Variants in DYRK1B observed in about 807,000 individuals in gnomAD.
The protein encoded by DYRK1B is dual specificity tyrosine-phosphorylation-regulated kinase 1B.
DYRK1B carries 20 observed loss-of-function variants against 57.1 expected under a neutral mutation model. That is an observed-to-expected ratio of 0.35 (90% CI 0.25 to 0.51). The LOEUF (loss-of-function observed/expected upper bound fraction) is 0.51. DYRK1B is among the 20% of genes least tolerant of loss of function. The probability of loss-of-function intolerance (pLI) is 0.96; values close to 1 mark genes in which losing one functional copy is unlikely to be tolerated. For synonymous variants in DYRK1B, 409 were observed against 384.7 expected (o/e 1.06, Z -0.74); for missense variants, 732 against 886.3 (o/e 0.83, Z 2.21).
rs1243011421 is a variant in DYRK1B, at chr19:39,825,365, T to C, written c.*350A>G. The C allele has an allele frequency of 8.4e-6, 2 of 239,164 alleles. No individual in the cohort carries two copies. The highest frequency in any genetic ancestry group is 1.6e-5 in the Non-Finnish European group (2 of 121,458). 14.8% of individuals were successfully genotyped at this position (239,164 alleles called of 1,614,324 possible). On this transcript the variant is annotated 3_prime_UTR_variant, in exon 11 of 11. Transcript: ENST00000323039. The stretch of plus-strand genomic sequence containing the variant: ...CAGGCAGGCATGTGAGAAAGCTCTT[T>C]ACTGGGGGTACAGCGAGGAGGAGCA...
Position 39,826,623 on chromosome 19 carries a change from C to G in DYRK1B, c.1411+49G>C. 6.6e-7 allele frequency: 1 copy of G among 1,511,636 alleles called. No individual in the cohort carries two copies. The highest frequency in any genetic ancestry group is 1.3e-5 in the South Asian group (1 of 77,696). The allele number at this position is 1,511,636 out of a possible 1,614,324, so 93.6% of individuals were successfully genotyped here. Reference sequence around the variant, plus strand: ...CCAGGTCCCCCAGGACAGGCCAAACCTGAGCAGCCCCCACCCGTTGTACCC... The same window carrying G: ...CCAGGTCCCCCAGGACAGGCCAAACGTGAGCAGCCCCCACCCGTTGTACCC... On this transcript the variant is annotated intron_variant, in intron 9 of 10. Coordinates refer to ENST00000323039, the MANE Select transcript of DYRK1B (RefSeq NM_004714.3). This position sits in a 1 kb window ranked among gnomAD's most constrained non-coding sequence, Gnocchi z 6.3.
At chr19:39,831,014 G>A (rs1328920084) in intron 2 of DYRK1B, among the ~76,000 whole-genome samples, 3 of 152,216 alleles carry the variant, frequency 2.0e-5, no homozygotes, top group East Asian at 3.8e-4. Context: ...GATCTGTGGT[G>A]TGAATGAGTG....
At chr19:39,827,776 C>G (rs1414821904) in intron 6 of DYRK1B, 120 bp from the exon 7 acceptor site, 9 of 1,231,308 alleles carry the variant, frequency 7.3e-6, no homozygotes, top group Middle Eastern at 2.2e-4. Flanking sequence ...GACTGAGGCT[C>G]CAAATCCTGC....
chr19:39,829,315 C>T (rs1568532373), intron 5 of DYRK1B, among the ~76,000 whole-genome samples: 1 of 151,930 alleles, frequency 6.6e-6, no homozygotes, highest in African/African-American at 2.4e-5. Flanking sequence ...TAACCTCCGC[C>T]TCCCAGGTTC....
intron 1 of DYRK1B, chr19:39,833,347 G>A (rs934435405): frequency 1.6e-4 from 156 of 985,418 alleles, no homozygotes; most frequent in Non-Finnish European, 1.8e-4. Flanking sequence ...GGCCAGCATG[G>A]CGGCGGTGGC....
At chr19:39,827,212 G>C (rs557500900) in intron 8 of DYRK1B, 73 bp downstream of exon 8, 10 of 1,513,524 alleles carry the variant, frequency 6.6e-6, no homozygotes, top group Non-Finnish European at 8.9e-6. Context: ...GGGAGAGGGA[G>C]CAGGGGGAGA....
chr19:39,826,183 G>A lies in DYRK1B; in HGVS notation c.1515C>T (p.Pro505=). Residue 505 remains proline, a synonymous_variant, in exon 10 of 11, where the codon CCC becomes CCT. Coordinates refer to ENST00000323039, the MANE Select transcript of DYRK1B (RefSeq NM_004714.3). The surrounding 1 kb of genome is among the most constrained non-coding windows in gnomAD (Gnocchi z 6.3). Reference sequence around the variant, plus strand: ...AAAGCCCCCAAAGCCCCATTACCTGGGGGCTGTTCATCTCACAGTCTGTGA... The same window carrying A: ...AAAGCCCCCAAAGCCCCATTACCTGAGGGCTGTTCATCTCACAGTCTGTGA... The part of the protein sequence containing the change: ...PPITDCEMNS[P]QVPPSQPLRP... 3 of 1,590,336 alleles carry A rather than the reference G, an allele frequency of 1.9e-6. No homozygotes were observed. Among genetic ancestry groups the A allele is most frequent in the Non-Finnish European group, 1.7e-6 (2 of 1,170,842 alleles).
chr19:39,826,900 C>G lies in DYRK1B; in HGVS notation c.1183G>C (p.Gly395Arg). Residue 395 changes from glycine to arginine, a missense_variant, in exon 9 of 11, where the codon GGC becomes CGC. By Grantham distance (125) the Gly-to-Arg change is moderately radical (BLOSUM62 -2). Coordinates refer to ENST00000323039, the MANE Select transcript of DYRK1B (RefSeq NM_004714.3). The surrounding 1 kb of genome is among the most constrained non-coding windows in gnomAD (Gnocchi z 6.3). The stretch of plus-strand genomic sequence containing the variant: ...CGGAGGTAGTCGGCGGGGCTGTGGC[C>G]CGGCTCCCCCGCCCGCCGGCCCCCG... ...GPGGRRAGEP[G>R]HSPADYLRFQ... 7.0e-7 allele frequency: 1 copy of G among 1,418,830 alleles called. No homozygotes were observed. Among genetic ancestry groups the G allele is most frequent in the Non-Finnish European group, 9.1e-7 (1 of 1,096,318 alleles). 87.9% of individuals were successfully genotyped at this position (1,418,830 alleles called of 1,614,324 possible).
rs576705312 is a variant in DYRK1B at position 39,830,053 on chromosome 19, G to A, written c.373-26C>T. 5.0e-6 allele frequency: 8 copies of A among 1,612,572 alleles called. No individual in the cohort carries two copies. The African/African-American group carries it at 8.0e-5, about 16-fold the overall frequency. The stretch of plus-strand genomic sequence containing the variant: ...CTGTTGGGGCAGGGCATGTCACGAA[G>A]AAAGGGGTGGGAGCAGGGCAGAGCC... On this transcript the variant is annotated intron_variant, in intron 4 of 10. Transcript: ENST00000323039.
intron 1 of DYRK1B, among the ~76,000 whole-genome samples, chr19:39,833,800 C>G (rs1280883892): frequency 2.0e-5 from 3 of 152,164 alleles, no homozygotes; most frequent in Non-Finnish European, 1.5e-5. Context: ...GAGTGGGGCC[C>G]GGCTACCCCC....
In DYRK1B at chr19:39,830,384, G is replaced by T; in HGVS notation, c.363C>A (p.Ser121=). ...YEIDSLIGKG[S]FGQVVKAYDH... ...GGGGGGTGTCCCACACCTGGCCAAAGGAGCCTTTGCCAATGAGCGAGTCAA... is the reference window on the plus strand; with the variant it reads ...GGGGGGTGTCCCACACCTGGCCAAATGAGCCTTTGCCAATGAGCGAGTCAA... Residue 121 remains serine, a synonymous_variant, in exon 4 of 11, where the codon TCC becomes TCA. Transcript: ENST00000323039. The T allele has an allele frequency of 6.2e-7, 1 of 1,614,108 alleles. No homozygotes were observed. Among genetic ancestry groups the T allele is most frequent in the Non-Finnish European group, 8.5e-7 (1 of 1,180,040 alleles).
In DYRK1B at chr19:39,826,731, G is replaced by A. The variant is rs1401211529; in HGVS notation, c.1352C>T (p.Ser451Leu). The A allele has an allele frequency of 1.9e-6, 3 of 1,600,964 alleles. No homozygotes were observed. The highest frequency in any genetic ancestry group is 2.6e-6 in the Non-Finnish European group (3 of 1,175,234). ...GGGGCAGGTGTCGAGGGGCGCGGGCGAGGTGGAGGCACTGCTGCCTGCCGG... is the reference window on the plus strand; with the variant it reads ...GGGGCAGGTGTCGAGGGGCGCGGGCAAGGTGGAGGCACTGCTGCCTGCCGG... ...TGPAGSSASTSPAPLDTCPSS... is the reference protein window; with the variant it reads ...TGPAGSSASTLPAPLDTCPSS... The change falls in exon 9 of 11, where the codon TCG becomes TTG. Residue 451 changes from serine to leucine, a missense_variant. Ser to Leu is a moderately radical substitution (Grantham distance 145, BLOSUM62 -2). Coordinates refer to ENST00000323039, the MANE Select transcript of DYRK1B (RefSeq NM_004714.3). The surrounding 1 kb of genome is among the most constrained non-coding windows in gnomAD (Gnocchi z 6.3).
Position 39,826,895 on chromosome 19 carries a change from G to A in DYRK1B, c.1188C>T (p.His396=), listed in dbSNP as rs1326170804. 4.9e-6 allele frequency: 7 copies of A among 1,421,646 alleles called. No individual in the cohort carries two copies. In the African/African-American group the frequency reaches 7.5e-5, roughly 15 times the overall value. 88.1% of individuals were successfully genotyped at this position (1,421,646 alleles called of 1,614,324 possible). A position where few individuals can be genotyped will look rare whatever the true frequency, so the allele number is the denominator to read the frequency against. The change falls in exon 9 of 11, where the codon CAC becomes CAT. Residue 396 remains histidine (H), a synonymous_variant. Transcript: ENST00000323039. The surrounding 1 kb of genome is among the most constrained non-coding windows in gnomAD (Gnocchi z 6.3). ...GGAAGCGGAGGTAGTCGGCGGGGCT[G>A]TGGCCCGGCTCCCCCGCCCGCCGGC... ...PGGRRAGEPG[H]SPADYLRFQD... is the part of the protein sequence containing the mutation.
Position 39,825,881 on chromosome 19 carries a change from C to A in DYRK1B, c.1724G>T (p.Cys575Phe). The stretch of plus-strand genomic sequence containing the variant: ...GGCAGGCGCTGGGTGAGGTGGGGAG[C>A]AGTCAGCAGGGCCGCCCACCAGGCT... ...DVSLVGGPAD[C>F]SPPHPAPAPQ... Residue 575 changes from cysteine (C) to phenylalanine (F), a missense_variant, in exon 11 of 11, where the codon TGC (cysteine) becomes TTC (phenylalanine). Physicochemically the swap from Cys to Phe is radical, Grantham distance 205. Around this residue, in one of 2 missense-constraint regions of DYRK1B, gnomAD observed 222 missense variants for 205.0 expected, o/e 1.08. Transcript: ENST00000323039. 1.3e-6 allele frequency: 2 copies of A among 1,591,354 alleles called. No homozygotes were observed. The highest frequency in any genetic ancestry group is 8.5e-7 in the Non-Finnish European group (1 of 1,169,740).
Position 39,827,326 on chromosome 19 carries a change from C to G in DYRK1B, c.1054G>C (p.Gly352Arg). The G allele has an allele frequency of 6.2e-7, 1 of 1,613,724 alleles. No individual in the cohort carries two copies. The highest frequency in any genetic ancestry group is 8.5e-7 in the Non-Finnish European group (1 of 1,179,724). The change falls in exon 8 of 11, where the codon GGG becomes CGG. Residue 352 changes from glycine to arginine, a missense_variant. Transcript: ENST00000323039. ...KARKYFERLP[G>R]GGWTLRRTKE... ...GTCCTTCGTAGGGTCCAGCCACCCC[C>G]AGGCAGCCGTTCAAAGTACTTGCGA...
At chr19:39,832,484 AT>A (rs1568535572) in intron 1 of DYRK1B, among the ~76,000 whole-genome samples, 1 of 152,016 alleles carries the variant, frequency 6.6e-6, no homozygotes, top group Non-Finnish European at 1.5e-5. Context: ...TTCTCAGTAG[AT>A]TCCCTCAACC....
rs1407855825 is a variant in DYRK1B at position 39,826,787 on chromosome 19, G to T, written c.1296C>A (p.Arg432=). 1 of 1,553,342 alleles carries T rather than the reference G, an allele frequency of 6.4e-7. No individual in the cohort carries two copies. The highest frequency in any genetic ancestry group is 1.9e-5 in the Admixed American group (1 of 51,762). The change falls in exon 9 of 11, where the codon CGC becomes CGA. Residue 432 remains arginine (R), a synonymous_variant. Coordinates refer to ENST00000323039, the MANE Select transcript of DYRK1B (RefSeq NM_004714.3). This position sits in a 1 kb window ranked among gnomAD's most constrained non-coding sequence, Gnocchi z 6.3. The part of the protein sequence containing the change: ...PLGALQHGFF[R]RTADEATNTG... The stretch of plus-strand genomic sequence containing the variant: ...TGTTGGTGGCCTCGTCGGCCGTGCG[G>T]CGGAAGAAGCCGTGCTGCAGAGCCC...
intron 2 of DYRK1B, 47 bp downstream of exon 2, chr19:39,831,758 A>T: frequency 6.5e-7 from 1 of 1,548,656 alleles, no homozygotes; most frequent in Non-Finnish European, 8.7e-7. Context: ...TTCTATCCCC[A>T]GCCTCCCCCT....
At position 39,828,479 on chromosome 19, in the gene DYRK1B, C is replaced by A. The variant is rs556237495; in HGVS notation, c.625G>T (p.Val209Phe). The change falls in exon 6 of 11, where the codon GTC (valine) becomes TTC (phenylalanine). Residue 209 changes from valine to phenylalanine, a missense_variant. Physicochemically the swap from Val to Phe is conservative, Grantham distance 50. Coordinates refer to ENST00000323039, the MANE Select transcript of DYRK1B (RefSeq NM_004714.3). This position sits in a 1 kb window ranked among gnomAD's most constrained non-coding sequence, Gnocchi z 4.3. ...AGCTTCCGGGTCAGGTTCAGCGAGACGCCGCGGAAGTGGGTGTTGCGCAGG... is the reference window on the plus strand; with the variant it reads ...AGCTTCCGGGTCAGGTTCAGCGAGAAGCCGCGGAAGTGGGTGTTGCGCAGG... ...DLLRNTHFRG[V>F]SLNLTRKLAQ... 6.2e-7 allele frequency: 1 copy of A among 1,613,614 alleles called. No individual in the cohort carries two copies. Among genetic ancestry groups the A allele is most frequent in the South Asian group, 1.1e-5 (1 of 90,948 alleles).
Sources: allele counts gnomAD v4.1 joint callset (sites outside exome capture counted in the v4.1 genomes callset), GRCh38; gene constraint gnomAD v4.1.1; regional missense constraint gnomAD v4.1.1; non-coding constraint Gnocchi (gnomAD v3.1); transcripts MANE v1.5; gene names NCBI Gene and HGNC (gene_info 2026-07-23, HGNC 2026-07-21).